PDE1C: variants seen among roughly 807,000 people sequenced by gnomAD.
The protein encoded by PDE1C is phosphodiesterase 1C.
PDE1C carries 62 observed loss-of-function variants against 93.1 expected under a neutral mutation model. The ratio of observed to expected loss-of-function variants is 0.67; its 90% CI spans 0.54 to 0.82. PDE1C has a LOEUF of 0.82. Ranked by LOEUF, PDE1C falls within the 40% of genes least tolerant of loss-of-function variation. The pLI is 0.00. For synonymous variants in PDE1C, 325 were observed against 310.1 expected (o/e 1.05, Z -0.50); for missense variants, 742 against 884.6 (o/e 0.84, Z 2.04).
At chr7:31,741,301 T>C in the PDE1C span, among the ~76,000 whole-genome samples, 1 of 152,194 alleles carries the variant, frequency 6.6e-6, no homozygotes, top group South Asian at 2.1e-4. Context: ...TAGCTGAATT[T>C]TACATCTTTC....
At chr7:32,322,966 G>T (rs1040201885) in intron 1 of PDE1C, among the ~76,000 whole-genome samples, 13 of 152,182 alleles carry the variant, frequency 8.5e-5, no homozygotes, top group Middle Eastern at 3.4e-3. Flanking sequence ...TGACACAAAG[G>T]GTTGCTATGC....
At position 31,914,738 on chromosome 7, in the gene PDE1C, G is replaced by T. The variant is rs1801665407; in HGVS notation, c.129-33878C>A. 2.0e-5 allele frequency among the ~76,000 whole-genome samples: 3 copies of T among 152,128 alleles called. 1 individual carries two copies. In the South Asian group the frequency reaches 6.2e-4, roughly 32 times the overall value. Reference sequence around the variant, plus strand: ...CAGACAATTATAACATGATTATCTTGAATTTTTTCTTCTATTTTAAATGCT... The same window carrying T: ...CAGACAATTATAACATGATTATCTTTAATTTTTTCTTCTATTTTAAATGCT... On this transcript the variant is annotated intron_variant, in intron 2 of 17. Transcript: ENST00000396191.
chr7:31,939,959 T>G (rs1187379881), intron 2 of PDE1C, among the ~76,000 whole-genome samples: 1 of 152,054 alleles, frequency 6.6e-6, no homozygotes, highest in Non-Finnish European at 1.5e-5. Context: ...CAGAGAGATG[T>G]GCAGTGCAGA....
chr7:32,306,515 G>C (rs899920399), intron 1 of PDE1C, among the ~76,000 whole-genome samples: 1 of 152,156 alleles, frequency 6.6e-6, no homozygotes. Flanking sequence ...GGCTCCCACT[G>C]TCTCTCACAT....
intron 2 of PDE1C, among the ~76,000 whole-genome samples, chr7:31,889,023 T>C (rs1040227701): frequency 1.3e-5 from 2 of 152,318 alleles, no homozygotes; most frequent in South Asian, 2.1e-4. Flanking sequence ...ACCTAAATAA[T>C]GGAAGAAGAA....
intron 2 of PDE1C, among the ~76,000 whole-genome samples, chr7:31,891,805 T>TACACACACACACACAC (rs70989620): frequency 6.8e-6 from 1 of 146,040 alleles, no homozygotes; most frequent in African/African-American, 2.5e-5. Flanking sequence ...AATGCATTCA[T>TACACACACACACACAC]ACACACACAC....
chr7:31,663,809 A>G, the PDE1C span, among the ~76,000 whole-genome samples: 8 of 152,166 alleles, frequency 5.3e-5, no homozygotes, highest in Non-Finnish European at 1.2e-4. Flanking sequence ...TTATATGCAT[A>G]ATTTACATAC....
At chr7:32,085,932 G>GA (rs1248196310) in intron 3 of PDE1C, among the ~76,000 whole-genome samples, 1 of 148,880 alleles carries the variant, frequency 6.7e-6, no homozygotes, top group East Asian at 2.0e-4. Flanking sequence ...CATTCCCTTT[G>GA]AAAACTGACA....
At chr7:31,714,044 G>T in the PDE1C span, among the ~76,000 whole-genome samples, 4 of 152,158 alleles carry the variant, frequency 2.6e-5, no homozygotes, top group Non-Finnish European at 5.9e-5. Context: ...TCTGCAGCTG[G>T]CTTGAATTTC....
intron 1 of PDE1C, among the ~76,000 whole-genome samples, chr7:32,282,245 G>A (rs1030592935): frequency 1.3e-5 from 2 of 152,012 alleles, no homozygotes; most frequent in Non-Finnish European, 2.9e-5. Context: ...GGGAGACAGA[G>A]GCAGGCAGAT....
intron 6 of PDE1C, among the ~76,000 whole-genome samples, chr7:31,871,870 T>TA (rs1015177580): frequency 6.6e-6 from 1 of 151,648 alleles, no homozygotes; most frequent in Non-Finnish European, 1.5e-5. Context: ...GGGTATTTAT[T>TA]AAAAAAGAAA....
intron 16 of PDE1C, among the ~76,000 whole-genome samples, chr7:31,803,043 G>C (rs1191195042): frequency 6.6e-6 from 1 of 151,480 alleles, no homozygotes; most frequent in Non-Finnish European, 1.5e-5. Flanking sequence ...CATTTATTAG[G>C]CTATTTGAAG....
intron 2 of PDE1C, among the ~76,000 whole-genome samples, chr7:32,033,892 C>T (rs1790665191): frequency 1.3e-5 from 2 of 152,160 alleles, no homozygotes; most frequent in African/African-American, 4.8e-5. Context: ...AGCTTATGCT[C>T]TGATACTCTA....
chr7:31,779,925 A>C lies in PDE1C; in HGVS notation c.1892-4193T>G, dbSNP rs1016507366. On this transcript the variant is annotated intron_variant, in intron 16 of 17. Transcript: ENST00000396191. ...CTCATGTCCAGGAAGAACATCAGAA[A>C]CCAGGTGGGAACAGCCAGTCCTGAC... 1.1e-3 allele frequency among the ~76,000 whole-genome samples: 175 copies of C among 152,260 alleles called. 1 individual carries two copies. Among genetic ancestry groups the C allele is most frequent in the Non-Finnish European group, 4.3e-4 (29 of 68,020 alleles).
chr7:31,786,839 T>G (rs750262797), intron 16 of PDE1C: 14 of 152,170 alleles, frequency 9.2e-5, no homozygotes, highest in African/African-American at 1.7e-4. Context: ...TACAAAGTAA[T>G]TTCCATCATC....
chr7:31,667,919 G>A, the PDE1C span, among the ~76,000 whole-genome samples: 1 of 151,886 alleles, frequency 6.6e-6, no homozygotes, highest in Non-Finnish European at 1.5e-5. Flanking sequence ...TATTCAAAGG[G>A]CAAGCAGGAG....
intron 1 of PDE1C, among the ~76,000 whole-genome samples, chr7:32,314,090 G>A (rs372332939): frequency 4.6e-5 from 7 of 151,656 alleles, no homozygotes; most frequent in Non-Finnish European, 1.0e-4. Context: ...AATAAAGTGG[G>A]CCCACTTTCC....
At chr7:31,820,899 T>C (rs1788878033) in intron 14 of PDE1C, 1 of 151,986 alleles carries the variant, frequency 6.6e-6, no homozygotes, top group Non-Finnish European at 1.5e-5. Context: ...TCTCAGTGCT[T>C]TATAGGTATT....
chr7:31,778,150 A>T (rs1475208534), intron 16 of PDE1C, among the ~76,000 whole-genome samples: 2 of 152,144 alleles, frequency 1.3e-5, no homozygotes, highest in Non-Finnish European at 2.9e-5. Context: ...GGGGTGAAAG[A>T]TTTACGCAAA....
Sources: gnomAD v4.1 joint callset for allele counts (sites outside exome capture counted in the v4.1 genomes callset) on GRCh38, gnomAD v4.1.1 for gene constraint, MANE v1.5 for transcripts, NCBI Gene and HGNC (gene_info 2026-07-23, HGNC 2026-07-21) for gene names.